SAMHD1: variants seen among roughly 807,000 people sequenced by gnomAD.
SAMHD1 encodes the protein SAM and HD domain containing deoxynucleoside triphosphate triphosphohydrolase 1, also known as deoxynucleoside triphosphate triphosphohydrolase SAMHD1.
Under a neutral mutation model 79.6 loss-of-function variants are expected in SAMHD1, and 54 were observed. The observed-to-expected ratio is 0.68, with a 90% CI of 0.55 to 0.85. The LOEUF (loss-of-function observed/expected upper bound fraction) is 0.85, where lower values mean the gene tolerates loss of function less well. SAMHD1 is among the 40% of genes least tolerant of loss of function. The pLI is 0.00. For synonymous variants in SAMHD1, 260 were observed against 264.1 expected, an observed-to-expected ratio of 0.98 and a Z score of 0.15; for missense variants, 663 against 782.7, an observed-to-expected ratio of 0.85 and a Z score of 1.82.
At chr20:36,945,530 G>C (rs1346190918) in intron 2 of SAMHD1, among the ~76,000 whole-genome samples, 2 of 152,088 alleles carry the variant, frequency 1.3e-5, no homozygotes, top group African/African-American at 2.4e-5. Flanking sequence ...TTCTGAACTT[G>C]AGAGTAAAAA....
chr20:36,908,491 G>A lies in SAMHD1; in HGVS notation c.1270+2727C>T, dbSNP rs577762286. ...GGGCTCAAGCGATCCAACTGCCTTG[G>A]TTTCCCAGAGTGCTGGGATTATAGG... On this transcript the variant is annotated intron_variant, in intron 11 of 15. Transcript: ENST00000646673. Among the ~76,000 whole-genome samples the A allele has an allele frequency of 2.0e-5, 3 of 152,244 alleles. No homozygotes were observed. The South Asian group carries it at 6.2e-4, about 32-fold the overall frequency.
At chr20:36,895,948 T>C (rs1175485309) in intron 15 of SAMHD1, among the ~76,000 whole-genome samples, 5 of 152,138 alleles carry the variant, frequency 3.3e-5, no homozygotes, top group African/African-American at 7.2e-5. Context: ...TACATAGATT[T>C]ACATTGTAGT....
At chr20:36,942,653 CT>C (rs73622041) in intron 2 of SAMHD1, among the ~76,000 whole-genome samples, 123,132 of 148,648 alleles carry the variant, frequency 0.83, 51,273 homozygotes, top group East Asian at 0.99. Context: ...TATCTAACTT[CT>C]TTTTTTTTTT....
In SAMHD1 at chr20:36,920,208, G is replaced by C. The variant is rs141783827; in HGVS notation, c.697-689C>G. ...GGGGTCACTGTAGTCTTGAACTCCT[G>C]GGCTCAAGTGATCCTCCCACTTCAG... On this transcript the variant is annotated intron_variant, in intron 6 of 15. Coordinates refer to ENST00000646673, the MANE Select transcript of SAMHD1 (RefSeq NM_015474.4). Among the ~76,000 whole-genome samples, 1,224 of 152,014 alleles carry C rather than the reference G, an allele frequency of 8.1e-3. 17 individuals are homozygous for C. Among genetic ancestry groups the C allele is most frequent in the African/African-American group, 0.028 (1,153 of 41,456 alleles).
chr20:36,935,913 T>A (rs549233511), intron 3 of SAMHD1, among the ~76,000 whole-genome samples: 18 of 151,758 alleles, frequency 1.2e-4, no homozygotes, highest in Non-Finnish European at 2.1e-4. Flanking sequence ...GCACTCATCA[T>A]TAAAACAGAA....
At chr20:36,913,712 C>T (rs1359037221) in intron 9 of SAMHD1, among the ~76,000 whole-genome samples, 3 of 150,040 alleles carry the variant, frequency 2.0e-5, no homozygotes, top group Non-Finnish European at 3.0e-5. Flanking sequence ...CTCCCAATAA[C>T]TCTAGGAAAT....
chr20:36,951,387 G>A (rs1190743812), intron 1 of SAMHD1, 49 bp downstream of exon 1: 3 of 1,607,712 alleles, frequency 1.9e-6, no homozygotes, highest in Non-Finnish European at 2.5e-6. Flanking sequence ...CGCCTGGCCC[G>A]CGCCCCAGGT....
chr20:36,907,546 T>TTC (rs1319115211), intron 11 of SAMHD1, among the ~76,000 whole-genome samples: 1 of 92,012 alleles, frequency 1.1e-5, no homozygotes, highest in Non-Finnish European at 2.9e-5. Context: ...TGACTTTTTT[T>TTC]TTTTTTTTTT....
chr20:36,901,312 G>A (rs1990302556), intron 13 of SAMHD1, among the ~76,000 whole-genome samples: 1 of 152,184 alleles, frequency 6.6e-6, no homozygotes, highest in Non-Finnish European at 1.5e-5. Context: ...CTACAGGCAT[G>A]CACCACCACA....
At chr20:36,937,582 T>C (rs1045651550) in intron 3 of SAMHD1, among the ~76,000 whole-genome samples, 1 of 152,196 alleles carries the variant, frequency 6.6e-6, no homozygotes, top group African/African-American at 2.4e-5. Context: ...CTGTCTTGCA[T>C]ACTAAAAATG....
intron 11 of SAMHD1, among the ~76,000 whole-genome samples, chr20:36,907,564 C>CAG (rs35982074): frequency 0.6 from 79,334 of 132,404 alleles, 24,348 homozygotes; most frequent in South Asian, 0.75. Context: ...TTTTTTTAGA[C>CAG]AGACTCACCC....
In SAMHD1 at chr20:36,951,582, G is replaced by C. The variant is rs760912458; in HGVS notation, c.62C>G (p.Thr21Ser). ...KRPRCDDSPRTPSNTPSAEAD... is the reference protein window; with the variant it reads ...KRPRCDDSPRSPSNTPSAEAD... Reference sequence around the variant, plus strand: ...CTCTGCGGAAGGGGTGTTTGAGGGGGTTCTCGGGCTGTCATCGCAACGGGG... The same window carrying C: ...CTCTGCGGAAGGGGTGTTTGAGGGGCTTCTCGGGCTGTCATCGCAACGGGG... The change falls in exon 1 of 16, where the codon ACC becomes AGC. Residue 21 changes from threonine to serine, a missense_variant. Physicochemically the swap from Thr to Ser is moderately conservative, Grantham distance 58 (BLOSUM62 1). Transcript: ENST00000646673. 2 of 1,614,190 alleles carry C rather than the reference G, an allele frequency of 1.2e-6. No individual in the cohort carries two copies. The highest frequency in any genetic ancestry group is 1.3e-5 in the African/African-American group (1 of 75,066).
At position 36,898,337 on chromosome 20, in the gene SAMHD1, T is replaced by G. The variant is rs1173253655; in HGVS notation, c.1608+103A>C. 4.5e-6 allele frequency: 4 copies of G among 894,798 alleles called. 1 individual carries two copies. The South Asian group carries it at 5.4e-5, about 12-fold the overall frequency. 55.4% of individuals were successfully genotyped at this position (894,798 alleles called of 1,614,324 possible). Reference sequence around the variant, plus strand: ...GCTACTGTGCCAGGCCCACTTTAATTGTAAAGATATGCCTTAAAACCTAAT... The same window carrying G: ...GCTACTGTGCCAGGCCCACTTTAATGGTAAAGATATGCCTTAAAACCTAAT... On this transcript the variant is annotated intron_variant, in intron 14 of 15. Coordinates refer to ENST00000646673, the MANE Select transcript of SAMHD1 (RefSeq NM_015474.4).
At chr20:36,912,777 T>TTTTTTTTTG (rs1383793377) in intron 9 of SAMHD1, among the ~76,000 whole-genome samples, 1 of 142,168 alleles carries the variant, frequency 7.0e-6, no homozygotes, top group African/African-American at 2.6e-5. Flanking sequence ...TTTTTTTTTT[T>TTTTTTTTTG]AAAAGATGAG....
intron 4 of SAMHD1, among the ~76,000 whole-genome samples, chr20:36,931,617 A>G (rs2063568362): frequency 6.6e-6 from 1 of 152,086 alleles, no homozygotes; most frequent in Admixed American, 6.6e-5. Flanking sequence ...AGCCTGGGCA[A>G]CAGAGCAAGA....
rs1375077019 is a variant in SAMHD1, at chr20:36,951,399, G to A, written c.208+37C>T. The A allele has an allele frequency of 3.1e-6, 5 of 1,610,424 alleles. 1 individual carries two copies. Among genetic ancestry groups the A allele is most frequent in the East Asian group, 2.2e-5 (1 of 44,826 alleles). On this transcript the variant is annotated intron_variant, in intron 1 of 15. Coordinates refer to ENST00000646673, the MANE Select transcript of SAMHD1 (RefSeq NM_015474.4). ...GGGCGCCTGGCCCGCGCCCCAGGTC[G>A]CCGCCCTTCGCCCCTCAGCCCCTCC...
At chr20:36,917,141 T>C in intron 7 of SAMHD1, 92 bp from the exon 8 acceptor site, 4 of 782,832 alleles carry the variant, frequency 5.1e-6, no homozygotes, top group East Asian at 2.6e-5. Context: ...CTGTAAAATA[T>C]AAACAGATAC....
Position 36,892,958 on chromosome 20 carries a change from G to A in SAMHD1, c.1855C>T (p.Gln619Ter). 6.2e-7 allele frequency: 1 copy of A among 1,613,936 alleles called. No homozygotes were observed. The highest frequency in any genetic ancestry group is 8.5e-7 in the Non-Finnish European group (1 of 1,180,002). The change falls in exon 16 of 16, where the codon CAG becomes TAG. Residue 619 changes from glutamine to a stop codon, truncating the protein, a stop_gained. Transcript: ENST00000646673. LOFTEE classifies it low-confidence loss of function (END_TRUNC). The stretch of plus-strand genomic sequence containing the variant: ...CACATTGGGTCATCTTTAAAAAGCT[G>A]GACTCTGCTTTTGGATGCTTCTCGG... ...RLREASKSRV[Q>*]LFKDDPM
At chr20:36,949,089 A>G (rs1293617798) in intron 1 of SAMHD1, among the ~76,000 whole-genome samples, 1 of 150,272 alleles carries the variant, frequency 6.7e-6, no homozygotes, top group Non-Finnish European at 1.5e-5. Flanking sequence ...ACATGGTGAA[A>G]CCCTGTCTTT....
Sources: gnomAD v4.1 joint callset for allele counts (sites outside exome capture counted in the v4.1 genomes callset) on GRCh38, gnomAD v4.1.1 for gene constraint, MANE v1.5 for transcripts, NCBI Gene and HGNC (gene_info 2026-07-23, HGNC 2026-07-21) for gene names.